Variants in SEMA3A observed in about 807,000 individuals in gnomAD.
The protein encoded by SEMA3A is semaphorin-3A.
A neutral mutation model predicts 97.9 loss-of-function variants in SEMA3A; 29 were observed. The ratio of observed to expected loss-of-function variants is 0.30; its 90% confidence interval spans 0.22 to 0.40. The LOEUF (loss-of-function observed/expected upper bound fraction) is 0.40. SEMA3A is among the 10% of genes least tolerant of loss of function. The pLI, the probability that SEMA3A is intolerant of heterozygous loss-of-function variation, is 1.00. For synonymous variants in SEMA3A, 321 were observed against 323.7 expected, an observed-to-expected ratio of 0.99 and a Z score of 0.09; for missense variants, 763 against 951.3, an observed-to-expected ratio of 0.80 and a Z score of 2.60.
chr7:84,079,966 A>G (rs538921129), intron 4 of SEMA3A, among the ~76,000 whole-genome samples: 1 of 146,080 alleles, frequency 6.8e-6, no homozygotes, highest in South Asian at 2.3e-4. Context: ...ATGTCCAACA[A>G]TGATAGACTG....
intron 2 of SEMA3A, among the ~76,000 whole-genome samples, chr7:84,320,115 T>C (rs1360239757): frequency 2.0e-5 from 3 of 152,108 alleles, no homozygotes; most frequent in Non-Finnish European, 2.9e-5. Flanking sequence ...GGGCCCACAC[T>C]ATGATTATGA....
rs1793181515 is a variant in SEMA3A, at chr7:84,060,695, A to T, written c.454-137T>A. 5.6e-6 allele frequency: 3 copies of T among 532,614 alleles called. No homozygotes were observed. The Admixed American group carries it at 1.2e-4, about 21-fold the overall frequency. 33.0% of individuals were successfully genotyped at this position (532,614 alleles called of 1,614,324 possible). On this transcript the variant is annotated intron_variant, in intron 4 of 16. Transcript: ENST00000265362. Reference sequence around the variant, plus strand: ...TTATTTTTATTTGTTCAAATTTTTGAGATGGCAAAATAAATCAAGTGTATT... The same window carrying T: ...TTATTTTTATTTGTTCAAATTTTTGTGATGGCAAAATAAATCAAGTGTATT...
At chr7:84,403,879 C>CA (rs1327614214) in intron 1 of SEMA3A, among the ~76,000 whole-genome samples, 1 of 152,048 alleles carries the variant, frequency 6.6e-6, no homozygotes, top group Non-Finnish European at 1.5e-5. Flanking sequence ...ACATCCACAC[C>CA]AAAAACCCAT....
chr7:84,444,974 A>T (rs1805370698), intron 1 of SEMA3A, among the ~76,000 whole-genome samples: 1 of 152,048 alleles, frequency 6.6e-6, no homozygotes, highest in African/African-American at 2.4e-5. Flanking sequence ...CTCTTGCTTC[A>T]ATTTTAGGAG....
At position 84,055,273 on chromosome 7, in the gene SEMA3A, C is replaced by T. The variant is rs966604466; in HGVS notation, c.547+5192G>A. ...GGCTGCTTTGTTTACCTAATCAAGCCTGGGCAATGGCGGGCGCCCCTCCCC... is the reference window on the plus strand; with the variant it reads ...GGCTGCTTTGTTTACCTAATCAAGCTTGGGCAATGGCGGGCGCCCCTCCCC... On this transcript the variant is annotated intron_variant, in intron 5 of 16. Coordinates refer to ENST00000265362, the MANE Select transcript of SEMA3A (RefSeq NM_006080.3). Among the ~76,000 whole-genome samples, 7 of 152,282 alleles carry T rather than the reference C, an allele frequency of 4.6e-5. 1 individual carries two copies. The highest frequency in any genetic ancestry group is 1.7e-4 in the African/African-American group (7 of 41,584).
Position 84,082,976 on chromosome 7 carries a change from T to G in SEMA3A, c.454-22418A>C, listed in dbSNP as rs568812427. Among the ~76,000 whole-genome samples, 22 of 152,036 alleles carry G rather than the reference T, an allele frequency of 1.4e-4. No homozygotes were observed. In the South Asian group the frequency reaches 4.6e-3, roughly 31 times the overall value. On this transcript the variant is annotated intron_variant, in intron 4 of 16. Transcript: ENST00000265362. Reference sequence around the variant, plus strand: ...TATAATAAAAATAGAAGTTTCATTCTTTAAATTTTATGTCAGAATTTGAGT... The same window carrying G: ...TATAATAAAAATAGAAGTTTCATTCGTTAAATTTTATGTCAGAATTTGAGT...
At chr7:84,096,951 T>C (rs1052029327) in intron 4 of SEMA3A, among the ~76,000 whole-genome samples, 26 of 152,246 alleles carry the variant, frequency 1.7e-4, no homozygotes, top group African/African-American at 6.3e-4. Context: ...AATGTTTCCA[T>C]ATTGCAGTTA....
chr7:84,473,616 T>C (rs962985827), intron 1 of SEMA3A, among the ~76,000 whole-genome samples: 2 of 152,064 alleles, frequency 1.3e-5, no homozygotes, highest in South Asian at 2.1e-4. Context: ...CTCCAACTCC[T>C]GACCTCTAGT....
rs547085780 is a variant in SEMA3A at position 84,404,526 on chromosome 7, T to C, written c.-245-32626A>G. Among the ~76,000 whole-genome samples the C allele has an allele frequency of 3.7e-4, 57 of 152,066 alleles. 1 individual carries two copies. The highest frequency in any genetic ancestry group is 8.3e-4 in the South Asian group (4 of 4,818). On this transcript the variant is annotated intron_variant, in intron 1 of 3. Coordinates refer to the SEMA3A transcript ENST00000424555. Reference sequence around the variant, plus strand: ...CTAGCAAGGCAGGCCAAAATTCAAATTCAGGAAACACAGAGAATGCCACAG... The same window carrying C: ...CTAGCAAGGCAGGCCAAAATTCAAACTCAGGAAACACAGAGAATGCCACAG...
rs1053472126 is a variant in SEMA3A, at chr7:84,458,447, C to A, written c.-246+34013G>T. On this transcript the variant is annotated intron_variant, in intron 1 of 3. Transcript: ENST00000424555. ...TTTTAACTATTGTGGCTATTTAAAT[C>A]ATAAAAAAATAATTTGATAGGAGTT... is the stretch of plus-strand genomic sequence containing the variant. Among the ~76,000 whole-genome samples, 4 of 146,262 alleles carry A rather than the reference C, an allele frequency of 2.7e-5. No homozygotes were observed. The East Asian group carries it at 7.7e-4, about 28-fold the overall frequency.
At chr7:84,165,292 CCT>C (rs1797165687) in intron 1 of SEMA3A, among the ~76,000 whole-genome samples, 1 of 152,108 alleles carries the variant, frequency 6.6e-6, no homozygotes, top group Non-Finnish European at 1.5e-5. Context: ...CTTCTCTCAT[CCT>C]CTCTTAAAAG....
intron 3 of SEMA3A, among the ~76,000 whole-genome samples, chr7:84,259,393 A>T (rs1799792360): frequency 6.6e-6 from 1 of 152,262 alleles, no homozygotes; most frequent in African/African-American, 2.4e-5. Context: ...CATTCTGAGA[A>T]CAGAAATTGG....
intron 6 of SEMA3A, 99 bp from the exon 7 acceptor site, chr7:84,014,450 A>T: frequency 1.1e-6 from 1 of 880,690 alleles, no homozygotes; most frequent in South Asian, 1.7e-5. Flanking sequence ...TAATTGATAT[A>T]TTTCAAGAAA....
In SEMA3A at chr7:84,152,858, T is replaced by A. The variant is rs1295628511; in HGVS notation, c.113-17907A>T. Among the ~76,000 whole-genome samples, 5 of 152,114 alleles carry A rather than the reference T, an allele frequency of 3.3e-5. No individual in the cohort carries two copies. The East Asian group carries it at 9.6e-4, about 29-fold the overall frequency. ...AAGCAGGCATTTGTTTTTATTAGCT[T>A]AAATGCTATTGCATTTAAACGTAAA... On this transcript the variant is annotated intron_variant, in intron 1 of 16. Coordinates refer to ENST00000265362, the MANE Select transcript of SEMA3A (RefSeq NM_006080.3).
intron 1 of SEMA3A, among the ~76,000 whole-genome samples, chr7:84,485,206 AAACT>A (rs1013004926): frequency 6.6e-6 from 1 of 152,184 alleles, no homozygotes; most frequent in African/African-American, 2.4e-5. Flanking sequence ...GTTTGCACAT[AAACT>A]AACAGTACTC....
chr7:83,995,758 A>AT (rs970581792), intron 12 of SEMA3A, among the ~76,000 whole-genome samples: 1 of 152,252 alleles, frequency 6.6e-6, no homozygotes, highest in African/African-American at 2.4e-5. Context: ...CCAATTTACA[A>AT]TTTTTTTCAG....
At chr7:84,336,869 C>A (rs957128492) in intron 2 of SEMA3A, among the ~76,000 whole-genome samples, 1 of 152,106 alleles carries the variant, frequency 6.6e-6, no homozygotes, top group Non-Finnish European at 1.5e-5. Context: ...AAATTATGTA[C>A]TATTTCTCAA....
chr7:84,032,931 T>C (rs963315698), intron 6 of SEMA3A, among the ~76,000 whole-genome samples: 20 of 152,150 alleles, frequency 1.3e-4, no homozygotes, highest in Non-Finnish European at 7.4e-5. Context: ...AGTTGTAACA[T>C]AAGATGTATA....
chr7:84,201,479 CA>C (rs35016127), intron 3 of SEMA3A, among the ~76,000 whole-genome samples: 9,558 of 152,024 alleles, frequency 0.063, 348 homozygotes, highest in African/African-American at 0.092. Flanking sequence ...TGTAAAACAT[CA>C]TTTGATCCAG....
Sources: gnomAD v4.1 joint callset for allele counts (sites outside exome capture counted in the v4.1 genomes callset) on GRCh38, gnomAD v4.1.1 for gene constraint, MANE v1.5 for transcripts, NCBI Gene and HGNC (gene_info 2026-07-23, HGNC 2026-07-21) for gene names.